TENM2: variants seen among roughly 807,000 people sequenced by gnomAD.
TENM2 encodes teneurin transmembrane protein 2, also known as teneurin-2.
TENM2 carries 52 observed loss-of-function variants against 245.2 expected under a neutral mutation model. The observed-to-expected ratio is 0.21, with a 90% confidence interval of 0.17 to 0.27. TENM2 has a LOEUF of 0.27. TENM2 is among the 10% of genes least tolerant of loss of function. The pLI is 1.00. For missense variants in TENM2, 3,046 were observed against 3,666.8 expected (o/e 0.83, Z 4.37); for synonymous variants, 1,363 against 1,438.9 (o/e 0.95, Z 1.19).
intron 2 of TENM2, among the ~76,000 whole-genome samples, chr5:167,609,396 ACT>A (rs1561598055): frequency 6.7e-6 from 1 of 148,516 alleles, no homozygotes; most frequent in Non-Finnish European, 1.5e-5. Context: ...CTGCTTCATA[ACT>A]CTGTTTCCAA....
intron 2 of TENM2, among the ~76,000 whole-genome samples, chr5:167,447,086 C>T (rs565011657): frequency 2.6e-5 from 4 of 152,072 alleles, no homozygotes. Context: ...TTGGAATGTT[C>T]CAAACTGTAT....
chr5:167,147,466 G>A, the TENM2 span, among the ~76,000 whole-genome samples: 1 of 152,034 alleles, frequency 6.6e-6, no homozygotes, highest in African/African-American at 2.4e-5. Context: ...AAGTAGTTAA[G>A]CAGTAGCAGC....
intron 9 of TENM2, among the ~76,000 whole-genome samples, chr5:168,115,938 C>T (rs1039591253): frequency 2.6e-5 from 4 of 152,160 alleles, no homozygotes; most frequent in Middle Eastern, 3.2e-3. Flanking sequence ...TACTATAGAT[C>T]ATGTGCACAC....
At chr5:167,635,345 T>C (rs2150228950) in intron 2 of TENM2, among the ~76,000 whole-genome samples, 1 of 152,284 alleles carries the variant, frequency 6.6e-6, no homozygotes, top group South Asian at 2.1e-4. Flanking sequence ...GTTTGTTTTT[T>C]CCTTCTCTCC....
chr5:167,857,027 G>T (rs1329624920), intron 2 of TENM2, among the ~76,000 whole-genome samples: 1 of 152,094 alleles, frequency 6.6e-6, no homozygotes, highest in African/African-American at 2.4e-5. Context: ...TGCAGATTCC[G>T]CAACCACCTA....
At chr5:167,503,660 G>T (rs2127559921) in intron 2 of TENM2, among the ~76,000 whole-genome samples, 1 of 152,270 alleles carries the variant, frequency 6.6e-6, no homozygotes, top group South Asian at 2.1e-4. Context: ...TTCAGAGAAT[G>T]AGGCAGGTGG....
intron 3 of TENM2, chr5:167,938,539 T>C (rs1206361444): frequency 6.6e-6 from 1 of 152,212 alleles, no homozygotes; most frequent in Non-Finnish European, 1.5e-5. Context: ...AAGGTCAGCA[T>C]AGGACATGTC....
At chr5:167,928,475 G>A (rs975555503) in intron 3 of TENM2, among the ~76,000 whole-genome samples, 1 of 152,186 alleles carries the variant, frequency 6.6e-6, no homozygotes, top group African/African-American at 2.4e-5. Flanking sequence ...GATAGCTAGA[G>A]CTTTGGTCTT....
the TENM2 span, among the ~76,000 whole-genome samples, chr5:167,270,369 G>A: frequency 1.3e-5 from 2 of 152,048 alleles, no homozygotes. Flanking sequence ...TGGTGGTGAT[G>A]GTAAAGTCCG....
intron 2 of TENM2, among the ~76,000 whole-genome samples, chr5:167,699,830 GC>G (rs1758021884): frequency 6.6e-6 from 1 of 152,148 alleles, no homozygotes; most frequent in African/African-American, 2.4e-5. Flanking sequence ...TTCCCCACAA[GC>G]CCCAACAATC....
the TENM2 span, among the ~76,000 whole-genome samples, chr5:167,173,115 C>T: frequency 6.6e-6 from 1 of 152,172 alleles, no homozygotes; most frequent in African/African-American, 2.4e-5. Flanking sequence ...AATTCCAAAG[C>T]ATGAATAGTT....
chr5:168,016,638 C>G (rs979855327), intron 5 of TENM2, among the ~76,000 whole-genome samples: 1 of 152,100 alleles, frequency 6.6e-6, no homozygotes, highest in African/African-American at 2.4e-5. Flanking sequence ...GCCTTGACCT[C>G]GTATGAGCAG....
At chr5:166,998,755 A>C in the TENM2 span, among the ~76,000 whole-genome samples, 4 of 152,172 alleles carry the variant, frequency 2.6e-5, no homozygotes, top group African/African-American at 9.7e-5. Flanking sequence ...AGTTAGAGAA[A>C]TGTGAACACA....
chr5:167,208,373 T>C, the TENM2 span, among the ~76,000 whole-genome samples: 3 of 152,192 alleles, frequency 2.0e-5, no homozygotes, highest in Non-Finnish European at 2.9e-5. Context: ...TTTAGAAGCA[T>C]AGAGTGAAAG....
intron 1 of TENM2, among the ~76,000 whole-genome samples, chr5:167,356,840 A>C (rs1192082049): frequency 6.6e-6 from 1 of 152,250 alleles, no homozygotes; most frequent in Admixed American, 6.5e-5. Context: ...CCCTTTCTCC[A>C]TAAAAAGACA....
At chr5:167,579,755 T>A (rs1276022720) in intron 2 of TENM2, among the ~76,000 whole-genome samples, 2 of 152,192 alleles carry the variant, frequency 1.3e-5, no homozygotes, top group Non-Finnish European at 2.9e-5. Flanking sequence ...ACAGTTTACC[T>A]CTCTGCCCCC....
At chr5:167,716,497 C>T (rs1257837448) in intron 2 of TENM2, among the ~76,000 whole-genome samples, 1 of 152,172 alleles carries the variant, frequency 6.6e-6, no homozygotes, top group Non-Finnish European at 1.5e-5. Context: ...TTAATATTTA[C>T]ATACCTTCCA....
chr5:168,073,646 CAT>C (rs1461873769), intron 7 of TENM2, among the ~76,000 whole-genome samples: 1 of 152,220 alleles, frequency 6.6e-6, no homozygotes, highest in Non-Finnish European at 1.5e-5. Context: ...GCTAGGAACA[CAT>C]GTTACATAAA....
At chr5:168,019,547 A>G (rs1203140089) in intron 5 of TENM2, among the ~76,000 whole-genome samples, 1 of 152,252 alleles carries the variant, frequency 6.6e-6, no homozygotes, top group Non-Finnish European at 1.5e-5. Context: ...GACATCAGGC[A>G]TAATTCAGTC....
Sources: gnomAD v4.1 joint callset for allele counts (sites outside exome capture counted in the v4.1 genomes callset) on GRCh38, gnomAD v4.1.1 for gene constraint, MANE v1.5 for transcripts, NCBI Gene and HGNC (gene_info 2026-07-23, HGNC 2026-07-21) for gene names.